Variants in SLC2A13 observed in about 807,000 individuals in gnomAD.
SLC2A13 encodes proton myo-inositol cotransporter.
Under a neutral mutation model 64.4 loss-of-function variants are expected in SLC2A13, and 32 were observed. That is an observed-to-expected ratio of 0.50 (90% CI 0.37 to 0.67). SLC2A13 has a LOEUF of 0.67. Ranked by LOEUF, SLC2A13 falls within the 30% of genes least tolerant of loss-of-function variation. The probability of loss-of-function intolerance (pLI) is 0.00; values close to 1 mark genes in which losing one functional copy is unlikely to be tolerated. For synonymous variants in SLC2A13, 338 were observed against 327.1 expected (o/e 1.03, Z -0.36); for missense variants, 743 against 829.2 (o/e 0.90, Z 1.28).
intron 4 of SLC2A13, among the ~76,000 whole-genome samples, chr12:39,893,966 T>C (rs1944677692): frequency 6.6e-6 from 1 of 152,212 alleles, no homozygotes; most frequent in African/African-American, 2.4e-5. Flanking sequence ...GTAACACAGA[T>C]GCTGAAAAAA....
At chr12:39,845,955 T>A (rs1250819607) in intron 6 of SLC2A13, among the ~76,000 whole-genome samples, 2 of 152,132 alleles carry the variant, frequency 1.3e-5, no homozygotes, top group Non-Finnish European at 2.9e-5. Flanking sequence ...GACTTCATTT[T>A]CTCATATGAT....
intron 4 of SLC2A13, among the ~76,000 whole-genome samples, chr12:39,876,144 T>C (rs1592231025): frequency 2.0e-5 from 3 of 152,292 alleles, no homozygotes; most frequent in Admixed American, 2.0e-4. Flanking sequence ...CAGAGTGAAG[T>C]TGAAAGGTTT....
At chr12:39,894,317 A>G (rs1306810732) in intron 4 of SLC2A13, among the ~76,000 whole-genome samples, 3 of 152,244 alleles carry the variant, frequency 2.0e-5, no homozygotes, top group African/African-American at 7.2e-5. Flanking sequence ...TTATCCACAT[A>G]TTGAATCTGA....
chr12:39,812,424 G>T (rs145940295), intron 7 of SLC2A13, among the ~76,000 whole-genome samples: 6 of 113,182 alleles, frequency 5.3e-5, no homozygotes, highest in East Asian at 2.4e-4. Context: ...CTTCCTTCCT[G>T]CCTTCCTTCC....
intron 4 of SLC2A13, among the ~76,000 whole-genome samples, chr12:39,899,912 A>G (rs1945038435): frequency 6.6e-6 from 1 of 152,052 alleles, no homozygotes; most frequent in Non-Finnish European, 1.5e-5. Flanking sequence ...TATGTGGTCA[A>G]TTTTGGAATA....
intron 3 of SLC2A13, among the ~76,000 whole-genome samples, chr12:39,997,447 C>T (rs868377346): frequency 1.3e-5 from 2 of 152,120 alleles, no homozygotes; most frequent in Non-Finnish European, 2.9e-5. Context: ...AAATGGCCAA[C>T]ACACATATGA....
At position 40,067,729 on chromosome 12, in the gene SLC2A13, T is replaced by C. The variant is rs113546988; in HGVS notation, c.557-19519A>G. Among the ~76,000 whole-genome samples, 13 of 152,296 alleles carry C rather than the reference T, an allele frequency of 8.5e-5. 2 individuals carry two copies. The highest frequency in any genetic ancestry group is 2.9e-4 in the African/African-American group (12 of 41,568). ...AAATTACTAATTTATTACACATCTA[T>C]TCAGGACTGCAGAAATATTAAAGCA... On this transcript the variant is annotated intron_variant, in intron 1 of 9. Transcript: ENST00000280871.
chr12:40,053,952 A>T (rs777178782), intron 1 of SLC2A13, among the ~76,000 whole-genome samples: 12 of 152,336 alleles, frequency 7.9e-5, no homozygotes, highest in Non-Finnish European at 1.6e-4. Context: ...CCACTTTGGG[A>T]AAACAAATGG....
intron 4 of SLC2A13, among the ~76,000 whole-genome samples, chr12:39,911,863 G>C (rs538178011): frequency 7.2e-5 from 11 of 152,058 alleles, no homozygotes; most frequent in Non-Finnish European, 1.2e-4. Flanking sequence ...AATCAAAGAA[G>C]GTGAGCAAGA....
intron 4 of SLC2A13, among the ~76,000 whole-genome samples, chr12:39,920,022 G>T (rs1481353918): frequency 6.6e-6 from 1 of 151,960 alleles, no homozygotes; most frequent in Non-Finnish European, 1.5e-5. Context: ...GAGTCCAGCT[G>T]TAAATTATTA....
At chr12:39,986,738 A>C (rs898293889) in intron 3 of SLC2A13, among the ~76,000 whole-genome samples, 16 of 151,852 alleles carry the variant, frequency 1.1e-4, no homozygotes, top group African/African-American at 3.4e-4. Context: ...GACAGAAATC[A>C]GTCTGTAGAC....
intron 2 of SLC2A13, among the ~76,000 whole-genome samples, chr12:40,037,486 G>C (rs867130179): frequency 6.6e-6 from 1 of 151,772 alleles, no homozygotes; most frequent in Non-Finnish European, 1.5e-5. Flanking sequence ...GGGTGTGGTT[G>C]CATGTGCCTG....
chr12:39,968,313 C>T (rs1430843048), intron 3 of SLC2A13, among the ~76,000 whole-genome samples: 1 of 152,094 alleles, frequency 6.6e-6, no homozygotes, highest in Non-Finnish European at 1.5e-5. Context: ...AACTCACTGA[C>T]TATCACGAGA....
At chr12:39,879,993 T>C (rs941198677) in intron 4 of SLC2A13, among the ~76,000 whole-genome samples, 22 of 152,156 alleles carry the variant, frequency 1.4e-4, no homozygotes, top group African/African-American at 5.3e-4. Flanking sequence ...TTAATGATAG[T>C]GAGTTCATAC....
chr12:40,069,379 A>C (rs1009399604), intron 1 of SLC2A13, among the ~76,000 whole-genome samples: 5 of 152,116 alleles, frequency 3.3e-5, no homozygotes, highest in East Asian at 1.9e-4. Context: ...TAACAAATTT[A>C]TCTCTCTTTT....
chr12:39,756,837 T>C lies in SLC2A13; in HGVS notation c.*3189A>G, dbSNP rs1164063840. The C allele has an allele frequency of 1.3e-5, 2 of 151,848 alleles. No homozygotes were observed. Among genetic ancestry groups the C allele is most frequent in the Non-Finnish European group, 1.5e-5 (1 of 67,692 alleles). 9.4% of individuals were successfully genotyped at this position (151,848 alleles called of 1,614,324 possible). A position where few individuals can be genotyped will look rare whatever the true frequency, so the allele number is the denominator to read the frequency against. On this transcript the variant is annotated 3_prime_UTR_variant, in exon 10 of 10. Transcript: ENST00000280871. ...ATAACTTAATATTTAGACTCTTATG[T>C]ACTAAAATCAGGTTCAGTGGTAAAA...
At chr12:39,975,616 T>C (rs929656302) in intron 3 of SLC2A13, among the ~76,000 whole-genome samples, 2 of 152,202 alleles carry the variant, frequency 1.3e-5, no homozygotes, top group Admixed American at 1.3e-4. Flanking sequence ...TGCAGCTAAA[T>C]GTAAGATTTC....
At chr12:39,839,480 T>C (rs1943123004) in intron 6 of SLC2A13, among the ~76,000 whole-genome samples, 1 of 152,098 alleles carries the variant, frequency 6.6e-6, no homozygotes, top group African/African-American at 2.4e-5. Context: ...AAAGCTGCTC[T>C]CCCAGAGATT....
At chr12:39,879,587 C>A (rs1365478641) in intron 4 of SLC2A13, among the ~76,000 whole-genome samples, 2 of 152,120 alleles carry the variant, frequency 1.3e-5, no homozygotes, top group African/African-American at 2.4e-5. Context: ...GGGCCTGTAC[C>A]CCCTTTCTTC....
Sources: allele counts gnomAD v4.1 joint callset (sites outside exome capture counted in the v4.1 genomes callset), GRCh38; gene constraint gnomAD v4.1.1; transcripts MANE v1.5; gene names NCBI Gene and HGNC (gene_info 2026-07-23, HGNC 2026-07-21).